CNTN5: variants seen among roughly 807,000 people sequenced by gnomAD.
CNTN5 encodes contactin-5.
CNTN5 carries 77 observed loss-of-function variants against 129.1 expected under a neutral mutation model. The observed-to-expected ratio is 0.60, with a 90% confidence interval of 0.50 to 0.72. The LOEUF (loss-of-function observed/expected upper bound fraction) is 0.72. CNTN5 is among the 30% of genes least tolerant of loss of function. The pLI is 0.00. For missense variants in CNTN5, 1,478 were observed against 1,328.8 expected (o/e 1.11, Z -1.75); for synonymous variants, 509 against 465.6 (o/e 1.09, Z -1.20).
chr11:99,094,585 T>A (rs1199781079), intron 1 of CNTN5, among the ~76,000 whole-genome samples: 1 of 151,920 alleles, frequency 6.6e-6, no homozygotes, highest in Non-Finnish European at 1.5e-5. Context: ...ACATGTGGCA[T>A]ACAGAAGACA....
At chr11:99,205,836 A>AG (rs1253351021) in intron 1 of CNTN5, among the ~76,000 whole-genome samples, 1 of 151,614 alleles carries the variant, frequency 6.6e-6, no homozygotes, top group Non-Finnish European at 1.5e-5. Flanking sequence ...CTGAAAAAAA[A>AG]TAAAAAGAAA....
At chr11:99,174,074 C>T (rs1178299938) in intron 1 of CNTN5, among the ~76,000 whole-genome samples, 3 of 152,184 alleles carry the variant, frequency 2.0e-5, no homozygotes, top group Non-Finnish European at 4.4e-5. Context: ...TCTTGGCTCA[C>T]TGCAATCACC....
chr11:99,695,905 G>A (rs1954248887), intron 3 of CNTN5, among the ~76,000 whole-genome samples: 1 of 151,840 alleles, frequency 6.6e-6, no homozygotes, highest in Admixed American at 6.6e-5. Context: ...TACCTTGTAG[G>A]GTTGTTAGGA....
At chr11:99,410,997 GC>G (rs1565560283) in intron 2 of CNTN5, among the ~76,000 whole-genome samples, 1 of 152,060 alleles carries the variant, frequency 6.6e-6, no homozygotes, top group Non-Finnish European at 1.5e-5. Flanking sequence ...ATTGAGCTGC[GC>G]ATTTTACAGA....
intron 8 of CNTN5, among the ~76,000 whole-genome samples, chr11:99,964,945 C>T (rs11222076): frequency 0.056 from 8,575 of 152,186 alleles, 272 homozygotes; most frequent in Non-Finnish European, 0.076. Flanking sequence ...AGTTTATTTG[C>T]GTAGAGATGT....
At chr11:99,395,623 A>G (rs1164838939) in intron 2 of CNTN5, among the ~76,000 whole-genome samples, 1 of 151,814 alleles carries the variant, frequency 6.6e-6, no homozygotes, top group East Asian at 1.9e-4. Flanking sequence ...GCCCATTCCT[A>G]TGTCCAGGAT....
chr11:99,180,090 G>GAC (rs201700310), intron 1 of CNTN5, among the ~76,000 whole-genome samples: 1 of 152,036 alleles, frequency 6.6e-6, no homozygotes, highest in East Asian at 1.9e-4. Flanking sequence ...GAGAAGAAAA[G>GAC]ACACACACAC....
At chr11:100,060,473 G>A (rs765903786) in intron 9 of CNTN5, among the ~76,000 whole-genome samples, 1 of 152,026 alleles carries the variant, frequency 6.6e-6, no homozygotes, top group Non-Finnish European at 1.5e-5. Flanking sequence ...TGTGTAAACT[G>A]TATTTGCTAT....
At chr11:99,508,702 G>A (rs1946720801) in intron 2 of CNTN5, among the ~76,000 whole-genome samples, 1 of 128,432 alleles carries the variant, frequency 7.8e-6, no homozygotes, top group Non-Finnish European at 1.8e-5. Flanking sequence ...TTTTTGACAC[G>A]GAATTTTGTT....
intron 9 of CNTN5, among the ~76,000 whole-genome samples, chr11:100,039,156 C>A (rs1479942851): frequency 2.0e-5 from 3 of 152,152 alleles, no homozygotes; most frequent in Admixed American, 2.0e-4. Context: ...TCTTTTAGGG[C>A]AGGCCTGGTA....
At chr11:99,067,425 A>T (rs1477424384) in intron 1 of CNTN5, among the ~76,000 whole-genome samples, 1 of 25,182 alleles carries the variant, frequency 4.0e-5, no homozygotes, top group Admixed American at 4.0e-4. Context: ...AATGTTGACT[A>T]AAAAAAAAAA....
At chr11:99,771,292 T>C (rs112869521) in intron 3 of CNTN5, among the ~76,000 whole-genome samples, 69 of 152,008 alleles carry the variant, frequency 4.5e-4, no homozygotes, top group African/African-American at 1.6e-3. Context: ...TGCAGCATCA[T>C]TCACCATAGC....
At chr11:99,766,664 C>A (rs1388154340) in intron 3 of CNTN5, among the ~76,000 whole-genome samples, 1 of 151,994 alleles carries the variant, frequency 6.6e-6, no homozygotes, top group African/African-American at 2.4e-5. Flanking sequence ...CCCATCGCTG[C>A]TGTTAACTTA....
chr11:99,817,663 T>C (rs1946637757), intron 3 of CNTN5, among the ~76,000 whole-genome samples: 1 of 131,096 alleles, frequency 7.6e-6, no homozygotes, highest in African/African-American at 2.9e-5. Flanking sequence ...CACAAAGCAA[T>C]AGATTGCACT....
intron 8 of CNTN5, among the ~76,000 whole-genome samples, chr11:99,958,042 G>A (rs1302380837): frequency 6.6e-6 from 1 of 151,860 alleles, no homozygotes; most frequent in Non-Finnish European, 1.5e-5. Context: ...ATCAGGTAAA[G>A]GGTAAAAATG....
chr11:99,522,589 A>G (rs1474960392), intron 2 of CNTN5, among the ~76,000 whole-genome samples: 2 of 152,188 alleles, frequency 1.3e-5, no homozygotes, highest in Non-Finnish European at 2.9e-5. Flanking sequence ...TTATTTGGAG[A>G]ATATAAATAA....
chr11:99,480,516 G>A (rs1173617713), intron 2 of CNTN5, among the ~76,000 whole-genome samples: 2 of 152,078 alleles, frequency 1.3e-5, no homozygotes, highest in Admixed American at 6.6e-5. Context: ...TGGAACAATG[G>A]CTGGAATAAT....
intron 1 of CNTN5, among the ~76,000 whole-genome samples, chr11:99,049,174 C>A (rs923908199): frequency 6.6e-6 from 1 of 152,012 alleles, no homozygotes; most frequent in Admixed American, 6.6e-5. Flanking sequence ...ATTCTTTGCA[C>A]CTGACTTTCC....
chr11:100,040,690 C>G (rs997245222), intron 9 of CNTN5, among the ~76,000 whole-genome samples: 2 of 152,146 alleles, frequency 1.3e-5, no homozygotes, highest in South Asian at 2.1e-4. Flanking sequence ...CGCCCCTCCC[C>G]CAGCCTCACT....
Sources: gnomAD v4.1 joint callset for allele counts (sites outside exome capture counted in the v4.1 genomes callset) on GRCh38, gnomAD v4.1.1 for gene constraint, MANE v1.5 for transcripts, NCBI Gene and HGNC (gene_info 2026-07-23, HGNC 2026-07-21) for gene names.